NMBR: variants seen among roughly 807,000 people sequenced by gnomAD.
NMBR encodes the protein neuromedin-B receptor.
In NMBR, 16 loss-of-function variants were observed where a neutral mutation model predicts 20.5. That is an observed-to-expected ratio of 0.78 (90% CI 0.53 to 1.19). The LOEUF is 1.19. Among genes scored for constraint, NMBR ranks in the 50% most tolerant of loss-of-function variants. NMBR has a pLI of 0.00. For missense variants in NMBR, 582 were observed against 499.1 expected (o/e 1.17, Z -1.58); for synonymous variants, 212 against 196.6 (o/e 1.08, Z -0.65).
chr6:142,089,487 T>G (rs1777280165), intron 1 of NMBR, among the ~76,000 whole-genome samples, 166 bp from the exon 2 acceptor site: 1 of 152,248 alleles, frequency 6.6e-6, no homozygotes, highest in Non-Finnish European at 1.5e-5. Flanking sequence ...TATTGAATTA[T>G]AACGTGTATA....
chr6:142,126,363 G>T (rs1215491800), intron 1 of NMBR, among the ~76,000 whole-genome samples: 1 of 151,718 alleles, frequency 6.6e-6, no homozygotes, highest in African/African-American at 2.4e-5. Context: ...TCAGGCTGTA[G>T]TGAACACTGG....
At chr6:142,140,364 A>T (rs1413349578) in intron 1 of NMBR, among the ~76,000 whole-genome samples, 4 of 152,118 alleles carry the variant, frequency 2.6e-5, no homozygotes, top group Non-Finnish European at 4.4e-5. Flanking sequence ...GATAACTTTA[A>T]GTTGTATATT....
At chr6:142,090,214 T>C (rs1777298190) in intron 1 of NMBR, among the ~76,000 whole-genome samples, 1 of 152,136 alleles carries the variant, frequency 6.6e-6, no homozygotes, top group African/African-American at 2.4e-5. Flanking sequence ...CACTCTTCAT[T>C]AGGGAAAACA....
At chr6:142,087,402 CT>C (rs1180989668) in intron 2 of NMBR, among the ~76,000 whole-genome samples, 3 of 152,292 alleles carry the variant, frequency 2.0e-5, no homozygotes, top group African/African-American at 7.2e-5. Flanking sequence ...TTCCCCACCC[CT>C]ATCCAAACAT....
chr6:142,075,827 T>C lies in NMBR; in HGVS notation c.994A>G (p.Arg332Gly). 6.2e-7 allele frequency: 1 copy of C among 1,614,110 alleles called. No homozygotes were observed. ...CAGAGTTGGCTGTTGAAATGCCTCC[T>C]GAAGCTTTCACTGAGTAGGTAAAGA... Reference protein sequence around the residue: ...FALYLLSESFRRHFNSQLCCG... With the variant: ...FALYLLSESFGRHFNSQLCCG... Residue 332 changes from arginine to glycine, a missense_variant, in exon 4 of 4, where the codon AGG (arginine) becomes GGG (glycine). Coordinates refer to ENST00000258042, the MANE Select transcript of NMBR (RefSeq NM_002511.4).
At chr6:142,115,851 T>C (rs979202125) in intron 1 of NMBR, among the ~76,000 whole-genome samples, 3 of 152,072 alleles carry the variant, frequency 2.0e-5, no homozygotes, top group Non-Finnish European at 4.4e-5. Flanking sequence ...AATCAAAGAA[T>C]GAACTTTAAT....
At chr6:142,091,007 G>A (rs1259878031) in intron 1 of NMBR, among the ~76,000 whole-genome samples, 1 of 152,010 alleles carries the variant, frequency 6.6e-6, no homozygotes, top group Non-Finnish European at 1.5e-5. Context: ...TTCATTTTAA[G>A]TAAATTTATA....
chr6:142,095,944 G>T (rs1303591477), intron 1 of NMBR, among the ~76,000 whole-genome samples: 1 of 152,064 alleles, frequency 6.6e-6, no homozygotes, highest in African/African-American at 2.4e-5. Flanking sequence ...TTGCATAGAG[G>T]TGTTTACAGT....
chr6:142,117,319 T>C (rs1190409265), intron 1 of NMBR, among the ~76,000 whole-genome samples: 1 of 151,314 alleles, frequency 6.6e-6, no homozygotes, highest in Non-Finnish European at 1.5e-5. Context: ...TATAGTTTTA[T>C]ATTTTACCAG....
intron 1 of NMBR, among the ~76,000 whole-genome samples, chr6:142,135,709 T>C (rs532944363): frequency 1.3e-5 from 2 of 150,782 alleles, no homozygotes; most frequent in South Asian, 2.1e-4. Context: ...TGTGTTCTCA[T>C]TGTTCAATTC....
At chr6:142,084,292 T>C (rs1777158633) in intron 2 of NMBR, among the ~76,000 whole-genome samples, 1 of 152,222 alleles carries the variant, frequency 6.6e-6, no homozygotes, top group Admixed American at 6.5e-5. Flanking sequence ...CAAGACTTTG[T>C]CTACTGACCT....
intron 1 of NMBR, chr6:142,134,145 A>G (rs1307681263): frequency 2.0e-6 from 1 of 508,024 alleles, no homozygotes; most frequent in African/African-American, 1.9e-5. Flanking sequence ...TTTGTTCCTA[A>G]GGATTATGTT....
intron 1 of NMBR, among the ~76,000 whole-genome samples, chr6:142,124,833 A>G (rs1396812531): frequency 6.6e-6 from 1 of 151,940 alleles, no homozygotes; most frequent in Admixed American, 6.6e-5. Flanking sequence ...AATACTTCTA[A>G]GTATGGTTAT....
At chr6:142,109,372 C>T (rs1181244125) in intron 1 of NMBR, among the ~76,000 whole-genome samples, 2 of 151,682 alleles carry the variant, frequency 1.3e-5, no homozygotes, top group East Asian at 1.9e-4. Flanking sequence ...GAAAAAGATG[C>T]TTTTTAAAAT....
At chr6:142,125,929 A>C (rs1435686369) in intron 1 of NMBR, among the ~76,000 whole-genome samples, 2 of 151,070 alleles carry the variant, frequency 1.3e-5, no homozygotes, top group Non-Finnish European at 3.0e-5. Context: ...ACCTCTTACC[A>C]AATTTCAAGT....
At chr6:142,131,219 T>A (rs764769399) in intron 1 of NMBR, among the ~76,000 whole-genome samples, 9 of 152,180 alleles carry the variant, frequency 5.9e-5, no homozygotes, top group Non-Finnish European at 1.2e-4. Flanking sequence ...TTTGGCATCC[T>A]GTAATGAAAG....
intron 1 of NMBR, among the ~76,000 whole-genome samples, chr6:142,143,233 A>G (rs1333078868): frequency 1.3e-5 from 2 of 152,260 alleles, no homozygotes; most frequent in East Asian, 1.9e-4. Context: ...AGACCTGTAC[A>G]ATGAAAACTA....
intron 1 of NMBR, among the ~76,000 whole-genome samples, chr6:142,142,980 G>C (rs1562250277): frequency 6.6e-6 from 1 of 152,124 alleles, no homozygotes; most frequent in African/African-American, 2.4e-5. Context: ...AGCTACTCCA[G>C]AGGCTGAGGT....
chr6:142,090,313 C>T (rs1334914002), intron 1 of NMBR, among the ~76,000 whole-genome samples: 3 of 151,754 alleles, frequency 2.0e-5, no homozygotes, highest in Non-Finnish European at 4.4e-5. Context: ...GATGATCTAG[C>T]CATAAACTGA....
Sources: gnomAD v4.1 joint callset for allele counts (sites outside exome capture counted in the v4.1 genomes callset) on GRCh38, gnomAD v4.1.1 for gene constraint, MANE v1.5 for transcripts, NCBI Gene and HGNC (gene_info 2026-07-23, HGNC 2026-07-21) for gene names.